Variants in SLC10A7 observed in about 807,000 individuals in gnomAD.
The protein encoded by SLC10A7 is sodium/bile acid cotransporter 7.
In SLC10A7, 29 loss-of-function variants were observed where a neutral mutation model predicts 43.2. The ratio of observed to expected loss-of-function variants is 0.67; its 90% CI spans 0.50 to 0.92. SLC10A7 has a LOEUF of 0.92. Among genes scored for constraint, SLC10A7 ranks in the 40% least tolerant of loss-of-function variants. The probability of loss-of-function intolerance (pLI) is 0.00; values close to 1 mark genes in which losing one functional copy is unlikely to be tolerated. For missense variants in SLC10A7, 295 were observed against 403.2 expected (o/e 0.73, Z 2.30); for synonymous variants, 152 against 144.8 (o/e 1.05, Z -0.35).
At chr4:146,470,736 T>C (rs1733496631) in intron 4 of SLC10A7, among the ~76,000 whole-genome samples, 1 of 152,228 alleles carries the variant, frequency 6.6e-6, no homozygotes, top group East Asian at 1.9e-4. Context: ...ACTACTAGAC[T>C]ATGGAGCCTA....
chr4:146,490,572 T>C (rs913920442), intron 4 of SLC10A7, among the ~76,000 whole-genome samples: 4 of 152,204 alleles, frequency 2.6e-5, no homozygotes, highest in African/African-American at 7.2e-5. Context: ...CAGTGTGAAC[T>C]TAAGGCAACT....
intron 5 of SLC10A7, among the ~76,000 whole-genome samples, chr4:146,350,270 C>T (rs1438031160): frequency 5.9e-5 from 9 of 151,846 alleles, no homozygotes; most frequent in Non-Finnish European, 1.2e-4. Context: ...AAAGGGGTGA[C>T]AGACGCACCT....
chr4:146,505,772 C>T (rs1736842940), intron 3 of SLC10A7, among the ~76,000 whole-genome samples: 1 of 152,138 alleles, frequency 6.6e-6, no homozygotes, highest in Non-Finnish European at 1.5e-5. Context: ...CTGAGGCTTC[C>T]TTAGAGTCTA....
intron 6 of SLC10A7, among the ~76,000 whole-genome samples, chr4:146,314,173 C>A (rs1352340934): frequency 6.6e-6 from 1 of 152,080 alleles, no homozygotes; most frequent in African/African-American, 2.4e-5. Flanking sequence ...GAAGATAATA[C>A]CTCCAAAGCT....
chr4:146,404,248 G>A (rs889628223), intron 5 of SLC10A7, among the ~76,000 whole-genome samples: 2 of 152,050 alleles, frequency 1.3e-5, no homozygotes, highest in Non-Finnish European at 1.5e-5. Context: ...TCAAACTCCT[G>A]GACTCCAGCA....
At chr4:146,360,609 TG>T (rs1034138648) in intron 5 of SLC10A7, among the ~76,000 whole-genome samples, 168 of 150,512 alleles carry the variant, frequency 1.1e-3, no homozygotes, top group Non-Finnish European at 1.7e-3. Context: ...CCTGGCTTTT[TG>T]TTTGTTTGTT....
At chr4:146,384,937 G>A (rs1737885827) in intron 5 of SLC10A7, among the ~76,000 whole-genome samples, 1 of 151,940 alleles carries the variant, frequency 6.6e-6, no homozygotes, top group Admixed American at 6.6e-5. Flanking sequence ...AATTATATAA[G>A]AATAGTCTTT....
rs1727777270 is a variant in SLC10A7 at position 146,254,032 on chromosome 4, C to T, written c.*2459G>A. The T allele has an allele frequency of 6.6e-6, 1 of 152,100 alleles. No homozygotes were observed. The highest frequency in any genetic ancestry group is 2.4e-5 in the African/African-American group (1 of 41,406). 9.4% of individuals were successfully genotyped at this position (152,100 alleles called of 1,614,324 possible). A position where few individuals can be genotyped will look rare whatever the true frequency, so the allele number is the denominator to read the frequency against. ...TAATCATATAATTATTTTCATCTTC[C>T]AGTCATCATAAATAATCCACTTTAT... On this transcript the variant is annotated 3_prime_UTR_variant, in exon 12 of 12. Coordinates refer to ENST00000335472, the MANE Select transcript of SLC10A7 (RefSeq NM_001029998.6).
chr4:146,345,421 A>G (rs1734552064), intron 5 of SLC10A7, among the ~76,000 whole-genome samples: 1 of 152,102 alleles, frequency 6.6e-6, no homozygotes, highest in African/African-American at 2.4e-5. Context: ...GGTCTACAAC[A>G]TTCTGTATTA....
At chr4:146,358,144 G>A (rs779861903) in intron 5 of SLC10A7, among the ~76,000 whole-genome samples, 3 of 151,038 alleles carry the variant, frequency 2.0e-5, no homozygotes, top group Admixed American at 6.6e-5. Context: ...ATTACAACTC[G>A]AGACACATGA....
intron 10 of SLC10A7, among the ~76,000 whole-genome samples, chr4:146,275,121 G>A (rs192081003): frequency 7.9e-5 from 12 of 152,202 alleles, no homozygotes; most frequent in African/African-American, 2.4e-4. Flanking sequence ...TACATGTGTC[G>A]GACATCAGGG....
chr4:146,415,466 C>A (rs2149838753), intron 5 of SLC10A7, among the ~76,000 whole-genome samples: 1 of 152,298 alleles, frequency 6.6e-6, no homozygotes, highest in South Asian at 2.1e-4. Context: ...TTAATCCCTA[C>A]AAACATCCAC....
intron 5 of SLC10A7, among the ~76,000 whole-genome samples, chr4:146,351,470 T>C (rs1735097645): frequency 6.6e-6 from 1 of 151,134 alleles, no homozygotes; most frequent in Non-Finnish European, 1.5e-5. Context: ...TGCAGGATAT[T>C]ATCCAGGAGA....
chr4:146,426,157 T>C (rs1729338763), intron 5 of SLC10A7, among the ~76,000 whole-genome samples: 2 of 152,236 alleles, frequency 1.3e-5, no homozygotes, highest in Admixed American at 1.3e-4. Context: ...TTTCAAAGTA[T>C]ATGCCACTTT....
intron 4 of SLC10A7, among the ~76,000 whole-genome samples, chr4:146,496,482 A>G (rs1422275103): frequency 6.6e-6 from 1 of 152,192 alleles, no homozygotes; most frequent in Non-Finnish European, 1.5e-5. Flanking sequence ...CATAGAAAGC[A>G]GAAAGGTCAC....
At chr4:146,435,528 T>G (rs1228986284) in intron 5 of SLC10A7, among the ~76,000 whole-genome samples, 1 of 152,212 alleles carries the variant, frequency 6.6e-6, no homozygotes, top group Non-Finnish European at 1.5e-5. Context: ...ATTCTCACTT[T>G]AAGAATCTGT....
chr4:146,513,139 A>G (rs1342073435), intron 2 of SLC10A7, among the ~76,000 whole-genome samples: 1 of 152,038 alleles, frequency 6.6e-6, no homozygotes, highest in Non-Finnish European at 1.5e-5. Context: ...TTGGTGGAAG[A>G]GTGAAAAAAA....
At chr4:146,513,621 C>A (rs892436922) in intron 2 of SLC10A7, among the ~76,000 whole-genome samples, 3 of 152,134 alleles carry the variant, frequency 2.0e-5, no homozygotes, top group Admixed American at 1.3e-4. Context: ...AAGAACCCAG[C>A]AAAACAAGTC....
chr4:146,486,388 A>G lies in SLC10A7; in HGVS notation c.396+17461T>C, dbSNP rs78916161. ...TTCACACACATTAATTTAATCATTT[A>G]ACAAGCTATTTTAAGCAACACATAT... On this transcript the variant is annotated intron_variant, in intron 4 of 11. Transcript: ENST00000335472. 8.7e-4 allele frequency among the ~76,000 whole-genome samples: 132 copies of G among 152,354 alleles called. 1 individual carries two copies. The South Asian group carries it at 0.013, about 16-fold the overall frequency.
Sources: allele counts gnomAD v4.1 joint callset (sites outside exome capture counted in the v4.1 genomes callset), GRCh38; gene constraint gnomAD v4.1.1; transcripts MANE v1.5; gene names NCBI Gene and HGNC (gene_info 2026-07-23, HGNC 2026-07-21).